The following IMPDH1 variants were observed in gnomAD, a reference collection of about 807,000 sequenced individuals.
The protein encoded by IMPDH1 is inosine monophosphate dehydrogenase 1, also known as inosine-5'-monophosphate dehydrogenase 1.
IMPDH1 carries 41 observed loss-of-function variants against 73.5 expected under a neutral mutation model. That is an observed-to-expected ratio of 0.56 (90% CI 0.43 to 0.72). IMPDH1 has a LOEUF of 0.72. IMPDH1 is among the 30% of genes least tolerant of loss of function. IMPDH1 has a pLI of 0.00. For missense variants in IMPDH1, 645 were observed against 824.8 expected (o/e 0.78, Z 2.67); for synonymous variants, 318 against 334.3 (o/e 0.95, Z 0.53).
chr7:128,399,821 T>C (rs1296499531), intron 9 of IMPDH1, among the ~76,000 whole-genome samples: 3 of 152,202 alleles, frequency 2.0e-5, no homozygotes, highest in Non-Finnish European at 2.9e-5. Flanking sequence ...AGATAGGGGA[T>C]AGAGAAAGGA....
intron 4 of IMPDH1, 63 bp from the exon 5 acceptor site, chr7:128,403,817 C>A (rs1798511608): frequency 6.9e-7 from 1 of 1,456,722 alleles, no homozygotes. Context: ...GCAGAGCCTG[C>A]CATGCCAGAG....
rs553864183 is a variant in IMPDH1 at position 128,398,321 on chromosome 7, C to A, written c.1074+93G>T. 6.5e-4 allele frequency: 646 copies of A among 988,016 alleles called. No individual in the cohort carries two copies. Among genetic ancestry groups the A allele is most frequent in the Non-Finnish European group, 9.6e-4 (604 of 628,668 alleles). 61.2% of individuals were successfully genotyped at this position (988,016 alleles called of 1,614,324 possible). Reference sequence around the variant, plus strand: ...GAGGAAGAGTAGCAAGGGAGGGGCACAGGCTTAATCAGAGGTGAACCTGGG... The same window carrying A: ...GAGGAAGAGTAGCAAGGGAGGGGCAAAGGCTTAATCAGAGGTGAACCTGGG... On this transcript the variant is annotated intron_variant, in intron 10 of 16. Transcript: ENST00000338791. This position sits in a 1 kb window ranked among gnomAD's most constrained non-coding sequence, Gnocchi z 4.3.
At chr7:128,393,571 C>CG (rs1194997171) in intron 16 of IMPDH1, among the ~76,000 whole-genome samples, 4 of 152,014 alleles carry the variant, frequency 2.6e-5, no homozygotes, top group South Asian at 4.2e-4. Flanking sequence ...GTTAGGGGGC[C>CG]GGGGGGGCCC....
At chr7:128,401,405 A>C (rs1798326064) in intron 5 of IMPDH1, among the ~76,000 whole-genome samples, 2 of 152,178 alleles carry the variant, frequency 1.3e-5, no homozygotes, top group South Asian at 4.1e-4. Flanking sequence ...CTTTCCTGGG[A>C]GGTGACCAGT....
At chr7:128,399,514 T>C (rs1486062673) in intron 9 of IMPDH1, among the ~76,000 whole-genome samples, 1 of 122,858 alleles carries the variant, frequency 8.1e-6, no homozygotes. Context: ...CCATCTCTAC[T>C]AAAAATACAA....
At chr7:128,403,378 T>A (rs1295850066) in intron 5 of IMPDH1, among the ~76,000 whole-genome samples, 1 of 152,134 alleles carries the variant, frequency 6.6e-6, no homozygotes, top group African/African-American at 2.4e-5. Context: ...GCCAACATGG[T>A]GAAACCCCGT....
chr7:128,398,293 A>G lies in IMPDH1; in HGVS notation c.1074+121T>C, dbSNP rs1798068775. ...CTGACACCAGGGAGCACTCAGAAAG[A>G]GAGAGGAAGAGTAGCAAGGGAGGGG... is the stretch of plus-strand genomic sequence containing the variant. On this transcript the variant is annotated intron_variant, in intron 10 of 16. Transcript: ENST00000338791. The surrounding 1 kb of genome is among the most constrained non-coding windows in gnomAD (Gnocchi z 4.3). 1 of 761,496 alleles carries G rather than the reference A, an allele frequency of 1.3e-6. No homozygotes were observed. Among genetic ancestry groups the G allele is most frequent in the South Asian group, 1.7e-5 (1 of 59,714 alleles). The allele number at this position is 761,496 out of a possible 1,614,324, so 47.2% of individuals were successfully genotyped here.
Position 128,397,274 on chromosome 7 carries a change from C to T in IMPDH1, c.1075-252G>A, listed in dbSNP as rs1584724113. Among the ~76,000 whole-genome samples the T allele has an allele frequency of 4.6e-5, 7 of 151,650 alleles. 2 individuals carry two copies. Among genetic ancestry groups the T allele is most frequent in the Admixed American group, 4.6e-4 (7 of 15,208 alleles). On this transcript the variant is annotated intron_variant, in intron 10 of 16. Transcript: ENST00000338791. ...TTAGAGTACATAAGGCCTTTCCTAT[C>T]CATTGTACAGACTGATCCTTAAAGC...
At chr7:128,402,616 T>C (rs1364456414) in intron 5 of IMPDH1, among the ~76,000 whole-genome samples, 1 of 152,158 alleles carries the variant, frequency 6.6e-6, no homozygotes, top group East Asian at 1.9e-4. Flanking sequence ...TGAACTTCCC[T>C]CACATGTAAG....
intron 3 of IMPDH1, among the ~76,000 whole-genome samples, chr7:128,407,311 TC>T (rs940277519): frequency 1.2e-4 from 19 of 152,068 alleles, no homozygotes; most frequent in Non-Finnish European, 2.5e-4. Context: ...ATGCCCAGCC[TC>T]CCCCATTGAT....
At chr7:128,407,142 C>A (rs1798829055) in intron 3 of IMPDH1, among the ~76,000 whole-genome samples, 1 of 152,184 alleles carries the variant, frequency 6.6e-6, no homozygotes, top group South Asian at 2.1e-4. Flanking sequence ...TCCCACAGCT[C>A]ACTTGGGGAG....
Position 128,394,313 on chromosome 7 carries a change from C to T in IMPDH1, c.1743G>A (p.Ser581=), listed in dbSNP as rs765536215. 5.6e-5 allele frequency: 90 copies of T among 1,613,918 alleles called. No individual in the cohort carries two copies. Among genetic ancestry groups the T allele is most frequent in the Non-Finnish European group, 6.9e-5 (82 of 1,179,986 alleles). The change falls in exon 16 of 17, where the codon TCG becomes TCA. Residue 581 remains serine (S), a synonymous_variant. Coordinates refer to ENST00000338791, the MANE Select transcript of IMPDH1 (RefSeq NM_000883.4). The surrounding 1 kb of genome is among the most constrained non-coding windows in gnomAD (Gnocchi z 5.5). ...CATGGACACCACCCTCAATCTGGGC[C>T]GACATGGTCCGCTTCTCAAACTTGA... The part of the protein sequence containing the change: ...GELKFEKRTM[S]AQIEGGVHGL...
chr7:128,408,092 GACACCGAGGCAAC>G (rs1416162514), intron 3 of IMPDH1, among the ~76,000 whole-genome samples: 1 of 152,144 alleles, frequency 6.6e-6, no homozygotes, highest in Non-Finnish European at 1.5e-5. Context: ...ATGGGGAGGA[GACACCGAGGCAAC>G]CAGTCGGCCT....
chr7:128,394,007 G>A lies in IMPDH1; in HGVS notation c.1778+271C>T, dbSNP rs1229309643. Among the ~76,000 whole-genome samples, 1 of 152,222 alleles carries A rather than the reference G, an allele frequency of 6.6e-6. No individual in the cohort carries two copies. The highest frequency in any genetic ancestry group is 1.5e-5 in the Non-Finnish European group (1 of 68,024). On this transcript the variant is annotated intron_variant, in intron 16 of 16. Coordinates refer to ENST00000338791, the MANE Select transcript of IMPDH1 (RefSeq NM_000883.4). This position sits in a 1 kb window ranked among gnomAD's most constrained non-coding sequence, Gnocchi z 5.5. ...CAAGCTTCCTGAGCAAGCAAGGGCT[G>A]GGAGTCCAGGTGCAGTGACTGGCCA... is the stretch of plus-strand genomic sequence containing the variant.
chr7:128,403,804 G>C, intron 4 of IMPDH1, 50 bp from the exon 5 acceptor site: 1 of 1,537,724 alleles, frequency 6.5e-7, no homozygotes, highest in Non-Finnish European at 9.0e-7. Flanking sequence ...GTGCCCCAAA[G>C]GGGCAGAGCC....
rs886061985 is a variant in IMPDH1 at position 128,409,960 on chromosome 7, C to T, written c.-59G>A. On this transcript the variant is annotated 5_prime_UTR_variant, in exon 1 of 17. Coordinates refer to ENST00000338791, the MANE Select transcript of IMPDH1 (RefSeq NM_000883.4). ...GGAGGCTCCCGGGGCCCCGGCTGGG[C>T]AGTGAGCGCAGCCCGGTCGAGTCCC... 16 of 1,304,420 alleles carry T rather than the reference C, an allele frequency of 1.2e-5. No homozygotes were observed. The Admixed American group carries it at 4.6e-4, about 38-fold the overall frequency. 80.8% of individuals were successfully genotyped at this position (1,304,420 alleles called of 1,614,324 possible).
At chr7:128,408,288 A>C (rs1027086492) in intron 3 of IMPDH1, among the ~76,000 whole-genome samples, 3 of 152,200 alleles carry the variant, frequency 2.0e-5, no homozygotes, top group Non-Finnish European at 4.4e-5. Context: ...TATTTGAAGG[A>C]ACAAGATTTC....
chr7:128,409,398 G>A, intron 2 of IMPDH1, 43 bp downstream of exon 2: 1 of 1,614,114 alleles, frequency 6.2e-7, no homozygotes, highest in East Asian at 2.2e-5. Flanking sequence ...CAGTCGGACA[G>A]GACTCCAGCA....
chr7:128,394,834 G>C lies in IMPDH1; in HGVS notation c.1550+55C>G. Reference sequence around the variant, plus strand: ...ATCTGGGGAAGTCGGTGGCATGAGCGGGCCCTGAAGGGTTGTGGGCTGATC... The same window carrying C: ...ATCTGGGGAAGTCGGTGGCATGAGCCGGCCCTGAAGGGTTGTGGGCTGATC... On this transcript the variant is annotated intron_variant, in intron 14 of 16. Transcript: ENST00000338791. The surrounding 1 kb of genome is among the most constrained non-coding windows in gnomAD (Gnocchi z 5.5). 1 of 1,600,652 alleles carries C rather than the reference G, an allele frequency of 6.2e-7. No homozygotes were observed. The highest frequency in any genetic ancestry group is 8.5e-7 in the Non-Finnish European group (1 of 1,172,628).
Sources: gnomAD v4.1 joint callset for allele counts (sites outside exome capture counted in the v4.1 genomes callset) on GRCh38, gnomAD v4.1.1 for gene constraint, Gnocchi (gnomAD v3.1) non-coding constraint, MANE v1.5 for transcripts, NCBI Gene and HGNC (gene_info 2026-07-23, HGNC 2026-07-21) for gene names.